Variants in ZMAT4 observed in about 807,000 individuals in gnomAD.
The protein encoded by ZMAT4 is zinc finger matrin-type 4.
A neutral mutation model predicts 28.7 loss-of-function variants in ZMAT4; 17 were observed. The observed-to-expected ratio is 0.59, with a 90% CI of 0.41 to 0.89. The LOEUF is 0.89. ZMAT4 is among the 40% of genes least tolerant of loss of function. The pLI is 0.00. For synonymous variants in ZMAT4, 117 were observed against 109.2 expected (o/e 1.07, Z -0.44); for missense variants, 240 against 283.8 (o/e 0.85, Z 1.11).
At chr8:40,626,984 G>T (rs1806403938) in intron 5 of ZMAT4, among the ~76,000 whole-genome samples, 1 of 152,156 alleles carries the variant, frequency 6.6e-6, no homozygotes, top group South Asian at 2.1e-4. Context: ...TAATAACCCT[G>T]CTCTGAATGA....
chr8:40,621,146 T>C (rs1159731357), intron 5 of ZMAT4, among the ~76,000 whole-genome samples: 2 of 152,112 alleles, frequency 1.3e-5, no homozygotes, highest in South Asian at 2.1e-4. Context: ...GTAGTTAAAA[T>C]CTCAGCCCTA....
chr8:40,621,260 A>T (rs1048691959), intron 5 of ZMAT4, among the ~76,000 whole-genome samples: 2 of 152,070 alleles, frequency 1.3e-5, no homozygotes, highest in African/African-American at 4.8e-5. Context: ...GTCCAGGAAA[A>T]CTCACCAGGT....
chr8:40,742,545 C>G (rs1420245293), intron 3 of ZMAT4, among the ~76,000 whole-genome samples: 3 of 151,970 alleles, frequency 2.0e-5, no homozygotes, highest in African/African-American at 7.3e-5. Context: ...AATTGGGGGC[C>G]AGTGTTGAAG....
At chr8:40,608,699 C>A (rs1274470238) in intron 5 of ZMAT4, among the ~76,000 whole-genome samples, 5 of 152,190 alleles carry the variant, frequency 3.3e-5, no homozygotes, top group Admixed American at 6.5e-5. Flanking sequence ...CCCCAAGGAT[C>A]CCTGTGAGAC....
chr8:40,645,876 T>C (rs1303490733), intron 5 of ZMAT4, among the ~76,000 whole-genome samples: 1 of 152,130 alleles, frequency 6.6e-6, no homozygotes, highest in Non-Finnish European at 1.5e-5. Context: ...TATGTATATA[T>C]AATGTATATA....
At chr8:40,875,437 G>C (rs1357466443) in intron 1 of ZMAT4, among the ~76,000 whole-genome samples, 1 of 152,168 alleles carries the variant, frequency 6.6e-6, no homozygotes, top group Non-Finnish European at 1.5e-5. Context: ...AAAAGAAAGA[G>C]TTAATAAGCA....
intron 6 of ZMAT4, among the ~76,000 whole-genome samples, chr8:40,533,459 A>G (rs1802756043): frequency 6.6e-6 from 1 of 152,222 alleles, no homozygotes; most frequent in Non-Finnish European, 1.5e-5. Flanking sequence ...CAAAAGTGTT[A>G]GAGCAGGTTA....
chr8:40,720,411 C>T (rs916255431), intron 3 of ZMAT4, among the ~76,000 whole-genome samples: 2 of 152,136 alleles, frequency 1.3e-5, no homozygotes, highest in Non-Finnish European at 2.9e-5. Flanking sequence ...TTATCCCCTC[C>T]TCCTTGCTGT....
intron 1 of ZMAT4, among the ~76,000 whole-genome samples, chr8:40,851,589 T>G (rs1220438176): frequency 6.6e-6 from 1 of 152,230 alleles, no homozygotes; most frequent in South Asian, 2.1e-4. Context: ...TGCAACATTT[T>G]ATTTTTAATT....
chr8:40,825,773 AG>A, intron 1 of ZMAT4, 93 bp from the exon 2 acceptor site: 1 of 981,476 alleles, frequency 1.0e-6, no homozygotes, highest in Non-Finnish European at 1.5e-6. Flanking sequence ...TCACAGTAAC[AG>A]GTCTGACAAT....
intron 2 of ZMAT4, among the ~76,000 whole-genome samples, chr8:40,802,595 C>T (rs1037565379): frequency 6.6e-6 from 1 of 152,016 alleles, no homozygotes; most frequent in Non-Finnish European, 1.5e-5. Context: ...ATTCCATGTT[C>T]ATGGATAGAA....
At chr8:40,827,398 C>A (rs985679824) in intron 1 of ZMAT4, among the ~76,000 whole-genome samples, 1 of 152,134 alleles carries the variant, frequency 6.6e-6, no homozygotes, top group Non-Finnish European at 1.5e-5. Flanking sequence ...AAGTCCTGAA[C>A]AATGCAACAG....
chr8:40,794,271 G>GC, intron 2 of ZMAT4, among the ~76,000 whole-genome samples: 1 of 152,214 alleles, frequency 6.6e-6, no homozygotes, highest in South Asian at 2.1e-4. Context: ...TAGCTTGTTG[G>GC]CACCATAAGC....
intron 3 of ZMAT4, among the ~76,000 whole-genome samples, chr8:40,745,956 C>T (rs982731414): frequency 6.6e-6 from 1 of 150,816 alleles, no homozygotes; most frequent in South Asian, 2.1e-4. Flanking sequence ...CCTTAGCTTC[C>T]CTGACACAAC....
At chr8:40,614,894 G>A (rs1210504375) in intron 5 of ZMAT4, among the ~76,000 whole-genome samples, 1 of 152,176 alleles carries the variant, frequency 6.6e-6, no homozygotes, top group Non-Finnish European at 1.5e-5. Flanking sequence ...GCCAGTCTGT[G>A]TCTTTTAATT....
At chr8:40,663,168 C>A (rs1297019075) in intron 5 of ZMAT4, among the ~76,000 whole-genome samples, 1 of 152,180 alleles carries the variant, frequency 6.6e-6, no homozygotes, top group Non-Finnish European at 1.5e-5. Context: ...TCCCATCTGA[C>A]CTGAATGCTA....
chr8:40,739,297 TC>T (rs1406614024), intron 3 of ZMAT4, among the ~76,000 whole-genome samples: 1 of 152,202 alleles, frequency 6.6e-6, no homozygotes, highest in Non-Finnish European at 1.5e-5. Context: ...TAGACCCTTC[TC>T]GTAACTTTAA....
At chr8:40,662,049 T>C (rs1808223522) in intron 5 of ZMAT4, among the ~76,000 whole-genome samples, 1 of 152,240 alleles carries the variant, frequency 6.6e-6, no homozygotes, top group African/African-American at 2.4e-5. Context: ...CAGTCATGAC[T>C]CACTGTAATC....
intron 3 of ZMAT4, among the ~76,000 whole-genome samples, chr8:40,734,840 TA>T (rs1385776770): frequency 6.6e-6 from 1 of 152,148 alleles, no homozygotes; most frequent in Non-Finnish European, 1.5e-5. Flanking sequence ...GTCCAAAATT[TA>T]AAAAAATCTC....
Sources: gnomAD v4.1 joint callset for allele counts (sites outside exome capture counted in the v4.1 genomes callset) on GRCh38, gnomAD v4.1.1 for gene constraint, MANE v1.5 for transcripts, NCBI Gene and HGNC (gene_info 2026-07-23, HGNC 2026-07-21) for gene names.